Variants in TDG observed in about 807,000 individuals in gnomAD.
TDG encodes the protein G/T mismatch-specific thymine DNA glycosylase.
Under a neutral mutation model 46.1 loss-of-function variants are expected in TDG, and 23 were observed. The ratio of observed to expected loss-of-function variants is 0.50; its 90% CI spans 0.36 to 0.71. TDG has a LOEUF of 0.71. TDG is among the 30% of genes least tolerant of loss of function. The pLI, the probability that TDG is intolerant of heterozygous loss-of-function variation, is 0.00. For synonymous variants in TDG, 115 were observed against 161.3 expected (o/e 0.71, Z 2.18); for missense variants, 304 against 486.7 (o/e 0.62, Z 3.53).
In TDG at chr12:103,983,179, C is replaced by T; in HGVS notation, c.658C>T (p.Gln220Ter). ...AGGACGTATTCTAGTACAGAAATTACAGAAATATCAGCCACGAATAGCAGT... is the reference window on the plus strand; with the variant it reads ...AGGACGTATTCTAGTACAGAAATTATAGAAATATCAGCCACGAATAGCAGT... ...EGGRILVQKL[Q>*]KYQPRIAVFN... is the part of the protein sequence containing the mutation. Residue 220 changes from glutamine (Q) to a stop codon, truncating the protein, a stop_gained, in exon 6 of 10, where the codon CAG becomes TAG. Transcript: ENST00000392872. LOFTEE classifies it high-confidence loss of function. 6.2e-7 allele frequency: 1 copy of T among 1,607,132 alleles called. No homozygotes were observed. The highest frequency in any genetic ancestry group is 8.5e-7 in the Non-Finnish European group (1 of 1,177,900).
Position 103,987,630 on chromosome 12 carries a change from C to T in TDG, c.*540C>T, listed in dbSNP as rs1484294100. On this transcript the variant is annotated 3_prime_UTR_variant, in exon 10 of 10. Coordinates refer to ENST00000392872, the MANE Select transcript of TDG (RefSeq NM_003211.6). ...GCACACTCAGACCTCTTTGCTTTAC[C>T]AGTGGTGTTTGTGAGTTGCTCAGTA... 1 of 153,728 alleles carries T rather than the reference C, an allele frequency of 6.5e-6. No homozygotes were observed. The highest frequency in any genetic ancestry group is 6.4e-5 in the Admixed American group (1 of 15,592). 9.5% of individuals were successfully genotyped at this position (153,728 alleles called of 1,614,324 possible).
At position 103,987,397 on chromosome 12, in the gene TDG, C is replaced by G; in HGVS notation, c.*307C>G. On this transcript the variant is annotated 3_prime_UTR_variant, in exon 10 of 10. Transcript: ENST00000392872. ...ACTTTTAATCTGTAATTTTAAAATA[C>G]AAGTCTGAATATTTATAGTTGATTC... is the stretch of plus-strand genomic sequence containing the variant. 6.4e-6 allele frequency: 2 copies of G among 314,666 alleles called. No individual in the cohort carries two copies. The highest frequency in any genetic ancestry group is 1.2e-5 in the Non-Finnish European group (2 of 163,780). 19.5% of individuals were successfully genotyped at this position (314,666 alleles called of 1,614,324 possible).
At chr12:103,977,261 T>C (rs981305624) in intron 2 of TDG, among the ~76,000 whole-genome samples, 5 of 152,172 alleles carry the variant, frequency 3.3e-5, no homozygotes, top group African/African-American at 1.2e-4. Flanking sequence ...CATAATCTAG[T>C]AGAGAAAAGT....
intron 5 of TDG, 52 bp downstream of exon 5, chr12:103,982,986 C>T (rs1446857317): frequency 2.5e-6 from 4 of 1,604,404 alleles, no homozygotes; most frequent in South Asian, 2.2e-5. Context: ...TATGCTGGTG[C>T]CCCAAATATT....
chr12:103,983,380 C>G lies in TDG; in HGVS notation c.783C>G (p.Asp261Glu). ...GGCTTCAGCCCCATAAGATTCCAGACACAGAAACTGTAAGTCCCTAAAATT... is the reference window on the plus strand; with the variant it reads ...GGCTTCAGCCCCATAAGATTCCAGAGACAGAAACTGTAAGTCCCTAAAATT... ...EFGLQPHKIP[D>E]TETLCYVMPS... Residue 261 changes from aspartate to glutamate, a missense_variant, in exon 7 of 10, where the codon GAC becomes GAG. By Grantham distance (45) the Asp-to-Glu change is conservative. Transcript: ENST00000392872. 6.4e-7 allele frequency: 1 copy of G among 1,573,208 alleles called. No homozygotes were observed. Among genetic ancestry groups the G allele is most frequent in the South Asian group, 1.2e-5 (1 of 83,478 alleles).
chr12:103,972,983 A>G (rs1288266011), intron 1 of TDG: 4 of 702,714 alleles, frequency 5.7e-6, no homozygotes, highest in South Asian at 3.0e-5. Context: ...GAAGTGCTCA[A>G]AATGGGACAT....
intron 4 of TDG, 80 bp from the exon 5 acceptor site, chr12:103,982,719 C>G: frequency 6.8e-7 from 1 of 1,471,250 alleles, no homozygotes; most frequent in Non-Finnish European, 9.3e-7. Context: ...GAGCCATGAT[C>G]GTGCCACTAC....
At chr12:103,986,814 GT>G in intron 9 of TDG, 133 bp from the exon 10 acceptor site, 1 of 915,788 alleles carries the variant, frequency 1.1e-6, no homozygotes, top group East Asian at 2.6e-5. Context: ...AAGCCCAGGA[GT>G]TTGAGGCTGC....
rs535204849 is a variant in TDG, at chr12:103,982,911, G to A, written c.591G>A (p.Thr197=). The A allele has an allele frequency of 7.4e-6, 12 of 1,614,146 alleles. No individual in the cohort carries two copies. The East Asian group carries it at 1.3e-4, about 18-fold the overall frequency. Residue 197 remains threonine (T), a synonymous_variant, in exon 5 of 10, where the codon ACG becomes ACA. Transcript: ENST00000392872. The part of the protein sequence containing the change: ...IGFTNMVERT[T]PGSKDLSSKE... ...TTACCAACATGGTGGAAAGGACCAC[G>A]CCCGGCAGCAAAGATCTCTCCAGGT...
chr12:103,981,303 T>C (rs1871819883), intron 4 of TDG, among the ~76,000 whole-genome samples: 1 of 142,384 alleles, frequency 7.0e-6, no homozygotes, highest in Admixed American at 7.5e-5. Context: ...TGGCGCGATC[T>C]CGGCTCACCA....
intron 3 of TDG, 136 bp downstream of exon 3, chr12:103,980,208 T>A: frequency 8.0e-7 from 1 of 1,257,692 alleles, no homozygotes; most frequent in Non-Finnish European, 1.1e-6. Context: ...GGTGTCAGCT[T>A]CATGAGGTTG....
In TDG at chr12:103,985,506, A is replaced by C; in HGVS notation, c.965-97A>C. ...TAGAGATGTATCTCAGTGTATATGA[A>C]TATTCAAGAAAAAGAATTGTTCATG... On this transcript the variant is annotated intron_variant, in intron 8 of 9. Transcript: ENST00000392872. The C allele has an allele frequency of 9.6e-6, 13 of 1,356,600 alleles. No individual in the cohort carries two copies. In the South Asian group the frequency reaches 1.8e-4, roughly 19 times the overall value. The allele number at this position is 1,356,600 out of a possible 1,614,324, so 84.0% of individuals were successfully genotyped here. A position where few individuals can be genotyped will look rare whatever the true frequency, so the allele number is the denominator to read the frequency against.
Position 103,981,077 on chromosome 12 carries a change from G to A in TDG, c.478+115G>A, listed in dbSNP as rs976910437. ...AGAAAGAGACTGTAAATACACATTCGTGTTTCATGTTCTGTGTGTGTGTCT... is the reference window on the plus strand; with the variant it reads ...AGAAAGAGACTGTAAATACACATTCATGTTTCATGTTCTGTGTGTGTGTCT... On this transcript the variant is annotated intron_variant, in intron 4 of 9. Coordinates refer to ENST00000392872, the MANE Select transcript of TDG (RefSeq NM_003211.6). 18 of 840,114 alleles carry A rather than the reference G, an allele frequency of 2.1e-5. No homozygotes were observed. In the African/African-American group the frequency reaches 2.2e-4, roughly 10 times the overall value. 52.0% of individuals were successfully genotyped at this position (840,114 alleles called of 1,614,324 possible).
At position 103,987,162 on chromosome 12, in the gene TDG, G is replaced by C; in HGVS notation, c.*72G>C. 5.7e-6 allele frequency: 9 copies of C among 1,583,304 alleles called. No individual in the cohort carries two copies. The highest frequency in any genetic ancestry group is 6.0e-6 in the Non-Finnish European group (7 of 1,158,772). On this transcript the variant is annotated 3_prime_UTR_variant, in exon 10 of 10. Coordinates refer to ENST00000392872, the MANE Select transcript of TDG (RefSeq NM_003211.6). The stretch of plus-strand genomic sequence containing the variant: ...TTGTCAACAAGTAGAACCTCAGTTT[G>C]CTAACTGAAGTGTTTTATTAGTATT...
At chr12:103,973,284 C>T (rs574939856) in intron 1 of TDG, among the ~76,000 whole-genome samples, 1 of 152,170 alleles carries the variant, frequency 6.6e-6, no homozygotes, top group Non-Finnish European at 1.5e-5. Flanking sequence ...AGGGTTTCTG[C>T]ATGTTGGTCG....
At position 103,984,904 on chromosome 12, in the gene TDG, C is replaced by T. The variant is rs369458940; in HGVS notation, c.948C>T (p.Asp316=). 9 of 1,611,082 alleles carry T rather than the reference C, an allele frequency of 5.6e-6. No homozygotes were observed. Among genetic ancestry groups the T allele is most frequent in the African/African-American group, 1.3e-5 (1 of 74,888 alleles). ...TTCAAGAGGTGCAATATACATTTGA[C>T]CTACAGCTTGCCCAAGGTATGTTAC... is the stretch of plus-strand genomic sequence containing the variant. The part of the protein sequence containing the change: ...MDVQEVQYTF[D]LQLAQEDAKK... The change falls in exon 8 of 10, where the codon GAC becomes GAT. Residue 316 remains aspartate (D), a synonymous_variant. Transcript: ENST00000392872.
intron 3 of TDG, chr12:103,980,418 A>T: frequency 3.7e-6 from 1 of 270,160 alleles, no homozygotes; most frequent in Non-Finnish European, 7.0e-6. Context: ...CTTCAACTGA[A>T]TGATGCCTGT....
In TDG at chr12:103,981,115, AAG is replaced by A. The variant is rs539421183; in HGVS notation, c.478+158_478+159del. Among the ~76,000 whole-genome samples, 21 of 152,094 alleles carry A rather than the reference AAG, an allele frequency of 1.4e-4. No homozygotes were observed. The South Asian group carries it at 1.4e-3, about 10-fold the overall frequency. The stretch of plus-strand genomic sequence containing the variant: ...TGTGTGTGTGTCTGTACGTGAAAAT[AAG>A]AGAGTTTGAAATGATATGTTACTGT... On this transcript the variant is annotated intron_variant, in intron 4 of 9. Transcript: ENST00000392872.
At chr12:103,986,730 C>A in intron 9 of TDG, 5 of 399,412 alleles carry the variant, frequency 1.3e-5, no homozygotes, top group East Asian at 4.0e-5. Context: ...AAAAAAAAAA[C>A]TTCAAATAAG....
Sources: gnomAD v4.1 joint callset for allele counts (sites outside exome capture counted in the v4.1 genomes callset) on GRCh38, gnomAD v4.1.1 for gene constraint, MANE v1.5 for transcripts, NCBI Gene and HGNC (gene_info 2026-07-23, HGNC 2026-07-21) for gene names.